Variants in PRKCD observed in about 807,000 individuals in gnomAD.
The protein encoded by PRKCD is protein kinase C delta type.
Under a neutral mutation model 82.2 loss-of-function variants are expected in PRKCD, and 20 were observed. The observed-to-expected ratio is 0.24, with a 90% CI of 0.17 to 0.35. The LOEUF (loss-of-function observed/expected upper bound fraction) is 0.35. Ranked by LOEUF, PRKCD falls within the 10% of genes least tolerant of loss-of-function variation. The pLI, the probability that PRKCD is intolerant of heterozygous loss-of-function variation, is 1.00. For synonymous variants in PRKCD, 317 were observed against 337.0 expected, an observed-to-expected ratio of 0.94 and a Z score of 0.65; for missense variants, 607 against 899.0, an observed-to-expected ratio of 0.68 and a Z score of 4.15.
intron 1 of PRKCD, among the ~76,000 whole-genome samples, chr3:53,163,882 C>A (rs782598626): frequency 1.4e-4 from 21 of 152,168 alleles, no homozygotes; most frequent in African/African-American, 4.8e-4. Context: ...CCTCACCAGA[C>A]CTTAGTGTCA....
rs1703665278 is a variant in PRKCD at position 53,185,962 on chromosome 3, A to G, written c.1021A>G (p.Ser341Gly). The change falls in exon 12 of 19, where the codon AGC (serine) becomes GGC (glycine). Residue 341 changes from serine (S) to glycine (G), a missense_variant. By Grantham distance (56) the Ser-to-Gly change is moderately conservative. Coordinates refer to ENST00000330452, the MANE Select transcript of PRKCD (RefSeq NM_006254.4). Reference sequence around the variant, plus strand: ...GACCTACGGCAAGATCTGGGAGGGCAGCAGCAAGTGCAACATCAACAACTT... The same window carrying G: ...GACCTACGGCAAGATCTGGGAGGGCGGCAGCAAGTGCAACATCAACAACTT... ...SGTYGKIWEGSSKCNINNFIF... is the reference protein window; with the variant it reads ...SGTYGKIWEGGSKCNINNFIF... 7 of 1,614,238 alleles carry G rather than the reference A, an allele frequency of 4.3e-6. No individual in the cohort carries two copies. Among genetic ancestry groups the G allele is most frequent in the Non-Finnish European group, 5.9e-6 (7 of 1,180,028 alleles).
At chr3:53,171,626 A>C (rs1285470298) in intron 2 of PRKCD, among the ~76,000 whole-genome samples, 2 of 152,200 alleles carry the variant, frequency 1.3e-5, no homozygotes, top group African/African-American at 2.4e-5. Context: ...AGAGGTTACC[A>C]GTGGGAAAGC....
At chr3:53,165,437 A>T (rs782206699) in intron 2 of PRKCD, among the ~76,000 whole-genome samples, 7 of 152,234 alleles carry the variant, frequency 4.6e-5, no homozygotes, top group Non-Finnish European at 1.0e-4. Context: ...GTGGCCCCAG[A>T]ATGCTCTCAC....
rs370593377 is a variant in PRKCD, at chr3:53,189,052, C to G, written c.1555-6C>G. The stretch of plus-strand genomic sequence containing the variant: ...CCTGCTGACCTGCTGCTCTCCCCAC[C>G]GCCAGATCCTACAGGGCCTGAAGTA... On this transcript the variant is annotated splice_polypyrimidine_tract_variant and splice_region_variant and intron_variant, in intron 16 of 18. Transcript: ENST00000330452. The G allele has an allele frequency of 6.2e-7, 1 of 1,607,948 alleles. No homozygotes were observed. Among genetic ancestry groups the G allele is most frequent in the African/African-American group, 1.3e-5 (1 of 74,904 alleles).
At chr3:53,161,937 C>T (rs1185916951) in intron 1 of PRKCD, among the ~76,000 whole-genome samples, 1 of 149,732 alleles carries the variant, frequency 6.7e-6, no homozygotes, top group Non-Finnish European at 1.5e-5. Flanking sequence ...CGCTCGCCGC[C>T]CCCTGCCAGT....
At chr3:53,178,230 G>A (rs1301554820) in intron 2 of PRKCD, among the ~76,000 whole-genome samples, 174 bp from the exon 3 acceptor site, 1 of 152,140 alleles carries the variant, frequency 6.6e-6, no homozygotes, top group Non-Finnish European at 1.5e-5. Flanking sequence ...CAGCCACTGC[G>A]CCTGGCAAAC....
chr3:53,172,363 A>C (rs981342305), intron 2 of PRKCD, among the ~76,000 whole-genome samples: 4 of 151,894 alleles, frequency 2.6e-5, no homozygotes, highest in South Asian at 4.1e-4. Context: ...CAGCTCCACC[A>C]TGCCCGGCCC....
chr3:53,162,367 G>A (rs1282202840), intron 1 of PRKCD, among the ~76,000 whole-genome samples: 1 of 152,146 alleles, frequency 6.6e-6, no homozygotes, highest in Non-Finnish European at 1.5e-5. Flanking sequence ...TTGGGGCAGG[G>A]GAGAGCCCCA....
At position 53,189,221 on chromosome 3, in the gene PRKCD, A is replaced by C; in HGVS notation, c.1718A>C (p.Lys573Thr). 1 of 1,575,660 alleles carries C rather than the reference A, an allele frequency of 6.3e-7. No homozygotes were observed. The highest frequency in any genetic ancestry group is 1.1e-5 in the South Asian group (1 of 90,552). ...DTPHYPRWIT[K>T]ESKDILEKLF... ...CCACATTATCCCCGCTGGATCACCA[A>C]GGAGTCCAAGGACATCCTGGAGAAG... Residue 573 changes from lysine (K) to threonine (T), a missense_variant, in exon 17 of 19, where the codon AAG (lysine) becomes ACG (threonine). This residue lies in a region of PRKCD where 251 missense variants were observed against 423.9 expected (regional missense o/e 0.59). Coordinates refer to ENST00000330452, the MANE Select transcript of PRKCD (RefSeq NM_006254.4).
Position 53,169,333 on chromosome 3 carries a change from T to C in PRKCD, c.-20+4118T>C, listed in dbSNP as rs1553664455. Among the ~76,000 whole-genome samples, 2 of 151,750 alleles carry C rather than the reference T, an allele frequency of 1.3e-5. No homozygotes were observed. Among genetic ancestry groups the C allele is most frequent in the South Asian group, 2.1e-4 (1 of 4,808 alleles). ...TAGAGACGGGAGCCTAAAGCCAGGA[T>C]TGGGGAGGAGAGGGCTCAACAGGCC... On this transcript the variant is annotated intron_variant, in intron 2 of 18. Transcript: ENST00000330452. This position sits in a 1 kb window ranked among gnomAD's most constrained non-coding sequence, Gnocchi z 4.7.
intron 7 of PRKCD, among the ~76,000 whole-genome samples, chr3:53,182,639 G>T (rs546649036): frequency 6.6e-6 from 1 of 152,306 alleles, no homozygotes; most frequent in South Asian, 2.1e-4. Context: ...AATAAGATAT[G>T]TAAAGCTGTA....
rs1195679843 is a variant in PRKCD, at chr3:53,178,632, A to G, written c.115+95A>G. 5 of 1,036,708 alleles carry G rather than the reference A, an allele frequency of 4.8e-6. No homozygotes were observed. In the Admixed American group the frequency reaches 1.3e-4, roughly 27 times the overall value. The allele number at this position is 1,036,708 out of a possible 1,614,324, so 64.2% of individuals were successfully genotyped here. A position where few individuals can be genotyped will look rare whatever the true frequency, so the allele number is the denominator to read the frequency against. ...CTGGCCTTGTTCCCTGCAACCTCTGAAGGATTCTGCTCTTCCTCATCCTTG... is the reference window on the plus strand; with the variant it reads ...CTGGCCTTGTTCCCTGCAACCTCTGGAGGATTCTGCTCTTCCTCATCCTTG... On this transcript the variant is annotated intron_variant, in intron 3 of 18. Coordinates refer to ENST00000330452, the MANE Select transcript of PRKCD (RefSeq NM_006254.4).
In PRKCD at chr3:53,183,874, G is replaced by T. The variant is rs549366731; in HGVS notation, c.787+293G>T. ...CAGTGGGCAGAGGGTGCTGAAGCCA[G>T]GCCTGGTGCACACCGACAGGCGCCC... On this transcript the variant is annotated intron_variant, in intron 9 of 18. Transcript: ENST00000330452. Among the ~76,000 whole-genome samples, 3 of 152,348 alleles carry T rather than the reference G, an allele frequency of 2.0e-5. No individual in the cohort carries two copies. In the East Asian group the frequency reaches 5.8e-4, roughly 29 times the overall value.
chr3:53,165,970 G>C (rs1553663785), intron 2 of PRKCD, among the ~76,000 whole-genome samples: 1 of 152,212 alleles, frequency 6.6e-6, no homozygotes, highest in African/African-American at 2.4e-5. Context: ...CCGGGCCCCA[G>C]TGAACAGGGT....
In PRKCD at chr3:53,192,384, G is replaced by C; in HGVS notation, c.*118G>C. ...CTGGCCCCGCCCCTGCCCCCAGAGC[G>C]TCCTTGGCTGCCGTCTGGCCGGGCT... On this transcript the variant is annotated 3_prime_UTR_variant, in exon 19 of 19. Transcript: ENST00000330452. The C allele has an allele frequency of 7.9e-7, 1 of 1,260,776 alleles. No homozygotes were observed. The highest frequency in any genetic ancestry group is 1.1e-6 in the Non-Finnish European group (1 of 893,770). 78.1% of individuals were successfully genotyped at this position (1,260,776 alleles called of 1,614,324 possible).
At chr3:53,177,472 T>A (rs1203537572) in intron 2 of PRKCD, among the ~76,000 whole-genome samples, 2 of 152,198 alleles carry the variant, frequency 1.3e-5, no homozygotes, top group Admixed American at 6.5e-5. Flanking sequence ...CTTTTGGTTC[T>A]GATTCTCTGC....
chr3:53,192,309 C>A lies in PRKCD; in HGVS notation c.*43C>A, dbSNP rs1553671138. 2 of 1,600,710 alleles carry A rather than the reference C, an allele frequency of 1.2e-6. No homozygotes were observed. Among genetic ancestry groups the A allele is most frequent in the South Asian group, 1.1e-5 (1 of 90,794 alleles). ...GGCTAGCCCTGCCCTCCACCCACAC[C>A]TGCCCGCTCCCCACGATAAGCACCA... On this transcript the variant is annotated 3_prime_UTR_variant, in exon 19 of 19. Transcript: ENST00000330452.
Position 53,185,668 on chromosome 3 carries a change from A to C in PRKCD, c.953A>C (p.Lys318Thr). 6.2e-7 allele frequency: 1 copy of C among 1,612,676 alleles called. No homozygotes were observed. The highest frequency in any genetic ancestry group is 8.5e-7 in the Non-Finnish European group (1 of 1,180,022). ...EPVGIYQGFEKKTGVAGEDMQ... is the reference protein window; with the variant it reads ...EPVGIYQGFETKTGVAGEDMQ... ...GTTGGGATATATCAGGGTTTCGAGA[A>C]GAAGACCGGAGTTGCTGGGGAGGAC... The change falls in exon 11 of 19, where the codon AAG becomes ACG. Residue 318 changes from lysine to threonine, a missense_variant. Lys to Thr is a moderately conservative substitution (Grantham distance 78). Coordinates refer to ENST00000330452, the MANE Select transcript of PRKCD (RefSeq NM_006254.4).
Position 53,188,814 on chromosome 3 carries a change from C to A in PRKCD, c.1510C>A (p.Arg504=). The A allele has an allele frequency of 2.5e-6, 4 of 1,614,158 alleles. No homozygotes were observed. Among genetic ancestry groups the A allele is most frequent in the Non-Finnish European group, 2.5e-6 (3 of 1,180,032 alleles). Residue 504 remains arginine (R), a synonymous_variant, in exon 16 of 19, where the codon CGG becomes AGG. Coordinates refer to ENST00000330452, the MANE Select transcript of PRKCD (RefSeq NM_006254.4). The stretch of plus-strand genomic sequence containing the variant: ...CAAAGAGAACATATTCGGGGAGAGC[C>A]GGGCCAGCACCTTCTGCGGCACCCC... ...MCKENIFGES[R]ASTFCGTPDY... is the part of the protein sequence containing the mutation.
Sources: allele counts gnomAD v4.1 joint callset (sites outside exome capture counted in the v4.1 genomes callset), GRCh38; gene constraint gnomAD v4.1.1; regional missense constraint gnomAD v4.1.1; non-coding constraint Gnocchi (gnomAD v3.1); transcripts MANE v1.5; gene names NCBI Gene and HGNC (gene_info 2026-07-23, HGNC 2026-07-21).